Variants in GNB4 observed in about 807,000 individuals in gnomAD.
GNB4 encodes guanine nucleotide-binding protein subunit beta-4.
GNB4 carries 28 observed loss-of-function variants against 45.2 expected under a neutral mutation model. The ratio of observed to expected loss-of-function variants is 0.62; its 90% CI spans 0.46 to 0.85. The LOEUF is 0.85. Ranked by LOEUF, GNB4 falls within the 40% of genes least tolerant of loss-of-function variation. The pLI, the probability that GNB4 is intolerant of heterozygous loss-of-function variation, is 0.00. For missense variants in GNB4, 321 were observed against 425.4 expected, an observed-to-expected ratio of 0.75 and a Z score of 2.16; for synonymous variants, 132 against 143.7, an observed-to-expected ratio of 0.92 and a Z score of 0.58.
chr3:179,489,201 ATTTG>A, the GNB4 span, among the ~76,000 whole-genome samples: 5 of 151,156 alleles, frequency 3.3e-5, no homozygotes, highest in African/African-American at 9.7e-5. Context: ...ATGTTATACA[ATTTG>A]TTTATCAAAA....
the GNB4 span, among the ~76,000 whole-genome samples, chr3:179,522,566 G>A: frequency 7.9e-4 from 121 of 152,310 alleles, 1 homozygote; most frequent in African/African-American, 2.7e-3. Flanking sequence ...CAATGAGTTC[G>A]GCTTGCTGAG....
At chr3:179,519,824 C>T in the GNB4 span, among the ~76,000 whole-genome samples, 1 of 152,130 alleles carries the variant, frequency 6.6e-6, no homozygotes, top group African/African-American at 2.4e-5. Flanking sequence ...AATCTAATCA[C>T]CCTTACCCTG....
intron 1 of GNB4, among the ~76,000 whole-genome samples, chr3:179,448,261 G>T (rs1715787213): frequency 6.6e-6 from 1 of 152,120 alleles, no homozygotes; most frequent in African/African-American, 2.4e-5. Context: ...CACCGCGCCT[G>T]GCCTGTTTCA....
the GNB4 span, among the ~76,000 whole-genome samples, chr3:179,509,372 C>T: frequency 3.9e-5 from 6 of 151,982 alleles, no homozygotes; most frequent in Non-Finnish European, 8.8e-5. Flanking sequence ...AATAACACTA[C>T]GAAATAAACT....
intron 2 of GNB4, among the ~76,000 whole-genome samples, chr3:179,425,415 T>C (rs369514158): frequency 6.6e-6 from 1 of 152,172 alleles, no homozygotes; most frequent in African/African-American, 2.4e-5. Flanking sequence ...CCTTACTGTT[T>C]TGAGTTGATT....
the GNB4 span, among the ~76,000 whole-genome samples, chr3:179,521,498 C>A: frequency 6.6e-6 from 1 of 152,068 alleles, no homozygotes; most frequent in African/African-American, 2.4e-5. Flanking sequence ...TGGACTGCAC[C>A]CCAAAAAAAC....
chr3:179,446,576 T>C (rs886567945), intron 1 of GNB4, among the ~76,000 whole-genome samples: 6 of 152,200 alleles, frequency 3.9e-5, no homozygotes, highest in Non-Finnish European at 8.8e-5. Context: ...AAAGTTAAAA[T>C]TTTCAAATCT....
chr3:179,505,177 G>A, the GNB4 span, among the ~76,000 whole-genome samples: 1 of 152,164 alleles, frequency 6.6e-6, no homozygotes, highest in African/African-American at 2.4e-5. Context: ...TACGGCATCA[G>A]TAAACAGAGC....
the GNB4 span, among the ~76,000 whole-genome samples, chr3:179,527,225 G>C: frequency 6.6e-6 from 1 of 152,118 alleles, no homozygotes; most frequent in Non-Finnish European, 1.5e-5. Context: ...CAGCCTGGAA[G>C]ACGTTCTCTC....
chr3:179,522,478 A>T, the GNB4 span, among the ~76,000 whole-genome samples: 1 of 142,882 alleles, frequency 7.0e-6, no homozygotes, highest in Admixed American at 6.7e-5. Flanking sequence ...CACGGACGCG[A>T]GTGAAAGAAG....
chr3:179,421,111 A>C (rs1714968252), intron 2 of GNB4, among the ~76,000 whole-genome samples, 184 bp from the exon 3 acceptor site: 1 of 152,226 alleles, frequency 6.6e-6, no homozygotes, highest in Non-Finnish European at 1.5e-5. Flanking sequence ...TAAGGCATGT[A>C]ATCCAGTAGT....
At chr3:179,418,948 C>A (rs897054686) in intron 4 of GNB4, among the ~76,000 whole-genome samples, 1 of 152,150 alleles carries the variant, frequency 6.6e-6, no homozygotes, top group Non-Finnish European at 1.5e-5. Flanking sequence ...GTGATGCAGT[C>A]GAGGGAGTAA....
the GNB4 span, among the ~76,000 whole-genome samples, chr3:179,507,445 A>G: frequency 6.6e-6 from 1 of 152,202 alleles, no homozygotes; most frequent in African/African-American, 2.4e-5. Flanking sequence ...GAAGGAGAAA[A>G]GAAAAGAAAG....
intron 1 of GNB4, among the ~76,000 whole-genome samples, chr3:179,430,005 C>A (rs976298200): frequency 2.6e-5 from 4 of 151,982 alleles, no homozygotes; most frequent in African/African-American, 9.7e-5. Context: ...ACTAGATATA[C>A]AAAGCTATAC....
the GNB4 span, among the ~76,000 whole-genome samples, chr3:179,463,998 G>C: frequency 6.6e-6 from 1 of 152,084 alleles, no homozygotes; most frequent in Non-Finnish European, 1.5e-5. Context: ...AAAAGAAGGG[G>C]GTGGGTAGCT....
the GNB4 span, among the ~76,000 whole-genome samples, chr3:179,459,933 C>T: frequency 2.6e-5 from 4 of 152,156 alleles, no homozygotes; most frequent in Non-Finnish European, 5.9e-5. Context: ...AACCCAAATC[C>T]CAGAGACTTC....
rs1282200321 is a variant in GNB4 at position 179,396,897 on chromosome 3, G to C, written c.*4316C>G. Reference sequence around the variant, plus strand: ...CAATGGAAAGAAAACTAGTAAATCTGAAATGTACTTCACATTCTACTTAAT... The same window carrying C: ...CAATGGAAAGAAAACTAGTAAATCTCAAATGTACTTCACATTCTACTTAAT... On this transcript the variant is annotated 3_prime_UTR_variant, in exon 10 of 10. Transcript: ENST00000232564. 1 of 152,144 alleles carries C rather than the reference G, an allele frequency of 6.6e-6. No individual in the cohort carries two copies. Among genetic ancestry groups the C allele is most frequent in the Non-Finnish European group, 1.5e-5 (1 of 68,030 alleles). 9.4% of individuals were successfully genotyped at this position (152,144 alleles called of 1,614,324 possible).
intron 2 of GNB4, among the ~76,000 whole-genome samples, chr3:179,425,298 A>G (rs1237027706): frequency 1.3e-5 from 2 of 152,010 alleles, no homozygotes; most frequent in Non-Finnish European, 2.9e-5. Flanking sequence ...GAGCCTCCCC[A>G]CGTGCTGCTG....
chr3:179,419,473 T>C lies in GNB4; in HGVS notation c.129A>G (p.Ile43Met), dbSNP rs1187523844. The change falls in exon 4 of 10, where the codon ATA becomes ATG. Residue 43 changes from isoleucine (I) to methionine (M), a missense_variant. Coordinates refer to ENST00000232564, the MANE Select transcript of GNB4 (RefSeq NM_021629.4). ...TCAGTGTACGTCTTGTTCGCATTTGTATTCGACCCACAGAGTCCATATTTG... is the reference window on the plus strand; with the variant it reads ...TCAGTGTACGTCTTGTTCGCATTTGCATTCGACCCACAGAGTCCATATTTG... ...ITSNMDSVGR[I>M]QMRTRRTLRG... is the part of the protein sequence containing the mutation. 5.6e-6 allele frequency: 9 copies of C among 1,612,458 alleles called. No individual in the cohort carries two copies. In the East Asian group the frequency reaches 1.1e-4, roughly 20 times the overall value.
Sources: gnomAD v4.1 joint callset for allele counts (sites outside exome capture counted in the v4.1 genomes callset) on GRCh38, gnomAD v4.1.1 for gene constraint, MANE v1.5 for transcripts, NCBI Gene and HGNC (gene_info 2026-07-23, HGNC 2026-07-21) for gene names.